The following HLA-DRB5 variants were observed in gnomAD, a reference collection of about 807,000 sequenced individuals.
The protein encoded by HLA-DRB5 is major histocompatibility complex, class II, DR beta 5.
Under a neutral mutation model 22.4 loss-of-function variants are expected in HLA-DRB5, and 11 were observed. The ratio of observed to expected loss-of-function variants is 0.49; its 90% CI spans 0.31 to 0.81. HLA-DRB5 has a LOEUF of 0.81. HLA-DRB5 is among the 40% of genes least tolerant of loss of function. The probability of loss-of-function intolerance (pLI) is 0.05; values close to 1 mark genes in which losing one functional copy is unlikely to be tolerated. For synonymous variants in HLA-DRB5, 57 were observed against 106.0 expected (o/e 0.54, Z 2.84); for missense variants, 106 against 274.4 (o/e 0.39, Z 4.34).
chr6:32,520,080 G>A (rs143726520), intron 2 of HLA-DRB5, among the ~76,000 whole-genome samples: 381 of 34,842 alleles, frequency 0.011, 17 homozygotes, highest in Middle Eastern at 0.043. Flanking sequence ...ACCTCTTGGG[G>A]TTATATGAGG....
intron 2 of HLA-DRB5, 84 bp downstream of exon 2, chr6:32,521,821 A>T (rs80054880): frequency 0.084 from 27,613 of 326,912 alleles, 1,629 homozygotes; most frequent in Admixed American, 0.15. Context: ...TCACACACAC[A>T]CACACACACA....
intron 1 of HLA-DRB5, among the ~76,000 whole-genome samples, chr6:32,528,179 G>T (rs1322909775): frequency 0.14 from 7,065 of 48,878 alleles, 6 homozygotes; most frequent in East Asian, 0.16. Context: ...TTCTCAAGTA[G>T]GGCTCTCTAG....
chr6:32,521,598 G>GCCGCCCGCACCCACCTCCCTTGTCACCT (rs1768877276), intron 2 of HLA-DRB5, among the ~76,000 whole-genome samples: 1 of 97,636 alleles, frequency 1.0e-5, no homozygotes, highest in Admixed American at 1.2e-4. Context: ...TCTCTCTCCA[G>GCCGCCCGCACCCACCTCCCTTGTCACCT]CCCCCTGCAC....
At chr6:32,525,536 G>A (rs200764616) in intron 1 of HLA-DRB5, among the ~76,000 whole-genome samples, 17,197 of 105,914 alleles carry the variant, frequency 0.16, 2 homozygotes, top group East Asian at 0.21. Context: ...CAGAAACACT[G>A]GTTTATGTCT....
At chr6:32,521,811 TCACACACACACACACACACA>T in intron 2 of HLA-DRB5, 74 bp downstream of exon 2, 3 of 248,810 alleles carry the variant, frequency 1.2e-5, no homozygotes, top group East Asian at 6.5e-5. Flanking sequence ...CCTCTCTCTC[TCACACACACACACACACACA>T]CACACACACA....
chr6:32,522,102 C>T lies in HLA-DRB5; in HGVS notation c.173G>A (p.Arg58Lys). The T allele has an allele frequency of 8.9e-7, 1 of 1,120,562 alleles. No homozygotes were observed. The highest frequency in any genetic ancestry group is 1.3e-6 in the Non-Finnish European group (1 of 782,466). The allele number at this position is 1,120,562 out of a possible 1,614,324, so 69.4% of individuals were successfully genotyped here. ...NGTERVRFLH[R>K]DIYNQEEDLR... is the part of the protein sequence containing the mutation. The stretch of plus-strand genomic sequence containing the variant: ...GTCCTCCTCTTGGTTATAGATGTCT[C>T]TGTGCAGGAACCGCACCCGCTCCGT... Residue 58 changes from arginine (R) to lysine (K), a missense_variant, in exon 2 of 6, where the codon AGA (arginine) becomes AAA (lysine). By Grantham distance (26) the Arg-to-Lys change is conservative. Transcript: ENST00000374975.
intron 1 of HLA-DRB5, among the ~76,000 whole-genome samples, chr6:32,524,685 A>G (rs915270848): frequency 0.092 from 10,211 of 111,286 alleles, 91 homozygotes; most frequent in African/African-American, 0.13. Flanking sequence ...TCTATTCCTA[A>G]ATTATGTAAG....
Position 32,522,029 on chromosome 6 carries a change from C to T in HLA-DRB5, c.246G>A (p.Leu82=), listed in dbSNP as rs146630533. ...DVGEYRAVTE[L]GRPDAEYWNS... ...TCCAGTACTCAGCGTCAGGCCGCCC[C>T]AGCTCCGTCACCGCCCGGTACTCCC... The change falls in exon 2 of 6, where the codon CTG becomes CTA. Residue 82 remains leucine, a synonymous_variant. Transcript: ENST00000374975. The T allele has an allele frequency of 0.054, 75,019 of 1,396,846 alleles. 2,057 individuals are homozygous for T. Among genetic ancestry groups the T allele is most frequent in the Middle Eastern group, 0.088 (492 of 5,572 alleles). 86.5% of individuals were successfully genotyped at this position (1,396,846 alleles called of 1,614,324 possible). A position where few individuals can be genotyped will look rare whatever the true frequency, so the allele number is the denominator to read the frequency against.
chr6:32,521,767 C>T lies in HLA-DRB5; in HGVS notation c.370+138G>A. On this transcript the variant is annotated intron_variant, in intron 2 of 5. Coordinates refer to ENST00000374975, the MANE Select transcript of HLA-DRB5 (RefSeq NM_002125.4). The stretch of plus-strand genomic sequence containing the variant: ...CAAGATTGAGAGGATTCTAAATGCT[C>T]ACAGATGGCGCGCTCCCTCTCTGTC... 4.5e-6 allele frequency: 2 copies of T among 443,602 alleles called. 1 individual carries two copies. 27.5% of individuals were successfully genotyped at this position (443,602 alleles called of 1,614,324 possible). A position where few individuals can be genotyped will look rare whatever the true frequency, so the allele number is the denominator to read the frequency against.
intron 2 of HLA-DRB5, among the ~76,000 whole-genome samples, chr6:32,521,664 C>T (rs11752108): frequency 2.1e-3 from 90 of 42,772 alleles, no homozygotes; most frequent in East Asian, 3.9e-3. Flanking sequence ...GAAGCCCCCT[C>T]CTGCTTCCCC....
chr6:32,524,516 C>T (rs139199673), intron 1 of HLA-DRB5, among the ~76,000 whole-genome samples: 328 of 68,342 alleles, frequency 4.8e-3, no homozygotes, highest in East Asian at 7.2e-3. Context: ...CAAGTCCCCT[C>T]AGAAAGTCAG....
In HLA-DRB5 at chr6:32,530,024, A is replaced by T. The variant is rs113999121; in HGVS notation, c.100+101T>A. Reference sequence around the variant, plus strand: ...ATAAAGATGGGCAATCTCTGAAGAAAATGTCACAATTTCTTAAGGCACCTG... The same window carrying T: ...ATAAAGATGGGCAATCTCTGAAGAATATGTCACAATTTCTTAAGGCACCTG... On this transcript the variant is annotated intron_variant, in intron 1 of 5. Transcript: ENST00000374975. 4.3e-5 allele frequency: 26 copies of T among 609,458 alleles called. No individual in the cohort carries two copies. The African/African-American group carries it at 6.9e-4, about 16-fold the overall frequency. The allele number at this position is 609,458 out of a possible 1,614,324, so 37.8% of individuals were successfully genotyped here. A position where few individuals can be genotyped will look rare whatever the true frequency, so the allele number is the denominator to read the frequency against.
At chr6:32,526,200 G>A (rs112441817) in intron 1 of HLA-DRB5, among the ~76,000 whole-genome samples, 17,403 of 36,188 alleles carry the variant, frequency 0.48, 6,353 homozygotes, top group Middle Eastern at 0.7. Context: ...GCAAATATCA[G>A]CTCCACCAAT....
Position 32,530,183 on chromosome 6 carries a change from C to CG in HLA-DRB5, c.41_42insC (p.Lys14AsnfsTer28), listed in dbSNP as rs1770207223. On this transcript the variant is annotated frameshift_variant, in exon 1 of 6. Transcript: ENST00000374975. LOFTEE classifies it high-confidence loss of function. Reference sequence around the variant, plus strand: ...TCAGCACCATCAGTGTCACTGTCAGCTTTGCCATGTAGGAACCTCCAGGGA... The same window carrying CG: ...TCAGCACCATCAGTGTCACTGTCAGCGTTTGCCATGTAGGAACCTCCAGGGA... 2.6e-6 allele frequency: 3 copies of CG among 1,136,416 alleles called. No individual in the cohort carries two copies. The highest frequency in any genetic ancestry group is 3.7e-6 in the Non-Finnish European group (3 of 810,108). The allele number at this position is 1,136,416 out of a possible 1,614,324, so 70.4% of individuals were successfully genotyped here. A position where few individuals can be genotyped will look rare whatever the true frequency, so the allele number is the denominator to read the frequency against.
intron 1 of HLA-DRB5, among the ~76,000 whole-genome samples, chr6:32,524,530 C>A: frequency 1.2e-5 from 1 of 85,738 alleles, no homozygotes; most frequent in African/African-American, 4.4e-5. Flanking sequence ...AAGTCAGAAA[C>A]CAAGAAAATG....
intron 1 of HLA-DRB5, among the ~76,000 whole-genome samples, chr6:32,529,209 T>C (rs1030584248): frequency 0.13 from 13,111 of 99,838 alleles, no homozygotes; most frequent in Admixed American, 0.18. Flanking sequence ...ATGTCCACAT[T>C]CTCTCTGTAA....
intron 1 of HLA-DRB5, among the ~76,000 whole-genome samples, chr6:32,525,525 G>C (rs1769495196): frequency 8.0e-6 from 1 of 124,638 alleles, no homozygotes; most frequent in African/African-American, 3.3e-5. Context: ...AAAACAGAGG[G>C]CAGAAACACT....
At position 32,522,071 on chromosome 6, in the gene HLA-DRB5, G is replaced by A; in HGVS notation, c.204C>T (p.Arg68=). The change falls in exon 2 of 6, where the codon CGC becomes CGT. Residue 68 remains arginine (R), a synonymous_variant. Coordinates refer to ENST00000374975, the MANE Select transcript of HLA-DRB5 (RefSeq NM_002125.4). The stretch of plus-strand genomic sequence containing the variant: ...GGTACTCCCCCACGTCGCTGTCGAA[G>A]CGCAAGTCCTCCTCTTGGTTATAGA... ...RDIYNQEEDL[R]FDSDVGEYRA... 4 of 1,499,382 alleles carry A rather than the reference G, an allele frequency of 2.7e-6. No homozygotes were observed. The highest frequency in any genetic ancestry group is 1.2e-5 in the South Asian group (1 of 86,400). 92.9% of individuals were successfully genotyped at this position (1,499,382 alleles called of 1,614,324 possible). A position where few individuals can be genotyped will look rare whatever the true frequency, so the allele number is the denominator to read the frequency against.
chr6:32,525,646 G>C, intron 1 of HLA-DRB5, among the ~76,000 whole-genome samples: 1 of 81,852 alleles, frequency 1.2e-5, no homozygotes, highest in African/African-American at 4.8e-5. Flanking sequence ...CTGATTTCTA[G>C]CACCAAATTT....
Sources: gnomAD v4.1 joint callset for allele counts (sites outside exome capture counted in the v4.1 genomes callset) on GRCh38, gnomAD v4.1.1 for gene constraint, MANE v1.5 for transcripts, NCBI Gene and HGNC (gene_info 2026-07-23, HGNC 2026-07-21) for gene names.